Variants in CCDC171 observed in about 807,000 individuals in gnomAD.
CCDC171 encodes the protein coiled-coil domain containing 171.
CCDC171 carries 177 observed loss-of-function variants against 168.2 expected under a neutral mutation model. That is an observed-to-expected ratio of 1.05 (90% confidence interval 0.93 to 1.19). CCDC171 has a LOEUF of 1.19. Among genes scored for constraint, CCDC171 ranks in the 50% most tolerant of loss-of-function variants. The pLI is 0.00. For synonymous variants in CCDC171, 687 were observed against 540.8 expected (o/e 1.27, Z -3.75); for missense variants, 1,991 against 1,539.0 (o/e 1.29, Z -4.91).
rs182730947 is a variant in CCDC171 at position 15,566,427 on chromosome 9, T to C, written c.41+2298T>C. ...TACAAAAATTAGCCAGGCGTGGTGG[T>C]GTGCCTGTGTGGTCCCAGCTACTCC... On this transcript the variant is annotated intron_variant, in intron 2 of 25. Transcript: ENST00000380701. 3.3e-5 allele frequency among the ~76,000 whole-genome samples: 5 copies of C among 152,184 alleles called. No individual in the cohort carries two copies. In the East Asian group the frequency reaches 7.7e-4, roughly 24 times the overall value.
chr9:15,778,637 C>T (rs1200667953), intron 19 of CCDC171, among the ~76,000 whole-genome samples: 1 of 33,144 alleles, frequency 3.0e-5, no homozygotes, highest in Non-Finnish European at 7.4e-5. Context: ...CAGAGTAAGA[C>T]TGTCTCAAAA....
At chr9:15,964,908 C>T (rs1299662845) in intron 25 of CCDC171, among the ~76,000 whole-genome samples, 3 of 152,050 alleles carry the variant, frequency 2.0e-5, no homozygotes, top group Non-Finnish European at 4.4e-5. Flanking sequence ...TTACAGGCAC[C>T]CACCAGCATG....
intron 1 of CCDC171, among the ~76,000 whole-genome samples, chr9:16,053,928 C>T (rs1239321671): frequency 1.3e-5 from 2 of 152,266 alleles, no homozygotes; most frequent in Non-Finnish European, 2.9e-5. Flanking sequence ...CAAGTTCTTG[C>T]CCCGTTAGCA....
intron 10 of CCDC171, among the ~76,000 whole-genome samples, 194 bp downstream of exon 10, chr9:15,679,090 A>G (rs1458075464): frequency 6.6e-6 from 1 of 152,200 alleles, no homozygotes. Flanking sequence ...CTGATTTGGA[A>G]TAATTGGGGG....
intron 16 of CCDC171, among the ~76,000 whole-genome samples, chr9:15,739,740 ATT>A (rs3082820): frequency 1.4e-5 from 2 of 146,138 alleles, no homozygotes; most frequent in Admixed American, 6.8e-5. Flanking sequence ...TGTAATACCA[ATT>A]TTTTTTTTTT....
intron 24 of CCDC171, among the ~76,000 whole-genome samples, chr9:15,892,060 C>G (rs76925257): frequency 0.01 from 1,545 of 152,264 alleles, 29 homozygotes; most frequent in African/African-American, 0.035. Context: ...AGTGTTTTAT[C>G]CACTGCGTTT....
chr9:15,576,636 A>T (rs1394364562), intron 3 of CCDC171, among the ~76,000 whole-genome samples: 1 of 152,194 alleles, frequency 6.6e-6, no homozygotes, highest in Non-Finnish European at 1.5e-5. Context: ...TTATGAAATG[A>T]TTGTAGGCTA....
intron 18 of CCDC171, among the ~76,000 whole-genome samples, chr9:15,771,153 T>C (rs545081707): frequency 2.1e-4 from 32 of 152,290 alleles, no homozygotes; most frequent in African/African-American, 6.5e-4. Flanking sequence ...TTTTAAGCAA[T>C]ATTGTAATCA....
intron 7 of CCDC171, among the ~76,000 whole-genome samples, chr9:15,650,017 A>T (rs2047380590): frequency 6.6e-6 from 1 of 152,216 alleles, no homozygotes; most frequent in African/African-American, 2.4e-5. Flanking sequence ...CAACCATGAT[A>T]GACTGGATTA....
chr9:15,810,268 A>G (rs2059282260), intron 21 of CCDC171, among the ~76,000 whole-genome samples: 1 of 152,192 alleles, frequency 6.6e-6, no homozygotes, highest in Non-Finnish European at 1.5e-5. Context: ...TGGTGCATAT[A>G]CAATCCTCTG....
chr9:15,619,601 T>G (rs894090153), intron 6 of CCDC171, among the ~76,000 whole-genome samples: 1 of 152,182 alleles, frequency 6.6e-6, no homozygotes, highest in Non-Finnish European at 1.5e-5. Context: ...GAAATAAGAC[T>G]TCTACATAAT....
At position 15,677,820 on chromosome 9, in the gene CCDC171, C is replaced by T. The variant is rs750965222; in HGVS notation, c.1077-938C>T. Among the ~76,000 whole-genome samples the T allele has an allele frequency of 4.5e-4, 59 of 132,556 alleles. 1 individual carries two copies. Among genetic ancestry groups the T allele is most frequent in the Non-Finnish European group, 4.6e-4 (29 of 62,542 alleles). 87.0% of individuals were successfully genotyped at this position (132,556 alleles called of 152,430 possible). A position where few individuals can be genotyped will look rare whatever the true frequency, so the allele number is the denominator to read the frequency against. On this transcript the variant is annotated intron_variant, in intron 9 of 25. Coordinates refer to ENST00000380701, the MANE Select transcript of CCDC171 (RefSeq NM_173550.4). Reference sequence around the variant, plus strand: ...TCTCATATATATACACACACACACGCGCACACACACAAATGGCTGTGTGTG... The same window carrying T: ...TCTCATATATATACACACACACACGTGCACACACACAAATGGCTGTGTGTG...
intron 18 of CCDC171, among the ~76,000 whole-genome samples, chr9:15,759,787 T>G (rs1381262098): frequency 6.7e-6 from 1 of 149,264 alleles, no homozygotes; most frequent in African/African-American, 2.6e-5. Flanking sequence ...TTTTTGAGGG[T>G]TTTTCCATTT....
chr9:15,578,678 G>A (rs2040871833), intron 3 of CCDC171, among the ~76,000 whole-genome samples, 171 bp from the exon 4 acceptor site: 1 of 151,614 alleles, frequency 6.6e-6, no homozygotes, highest in Non-Finnish European at 1.5e-5. Context: ...AAAACATAAT[G>A]GGTGTCATTT....
At chr9:15,634,956 T>A (rs2046086658) in intron 7 of CCDC171, among the ~76,000 whole-genome samples, 3 of 152,242 alleles carry the variant, frequency 2.0e-5, no homozygotes, top group African/African-American at 7.2e-5. Flanking sequence ...TTGTCCATGT[T>A]GCAGCATGTA....
intron 4 of CCDC171, among the ~76,000 whole-genome samples, chr9:15,584,069 A>G (rs2041361159): frequency 6.6e-6 from 1 of 152,042 alleles, no homozygotes. Flanking sequence ...GGGTTTCACC[A>G]TCTTGGCCAG....
rs563692499 is a variant in CCDC171, at chr9:15,727,926, A to G, written c.1750A>G (p.Ile584Val). 6.2e-7 allele frequency: 1 copy of G among 1,613,332 alleles called. No homozygotes were observed. The highest frequency in any genetic ancestry group is 1.3e-5 in the African/African-American group (1 of 74,822). ...YQHLVAGCVL[I>V]KQPEGMLDKF... Reference sequence around the variant, plus strand: ...GCACTTGGTAGCAGGCTGTGTGCTCATAAAACAACCAGAAGGCATGCTGGA... The same window carrying G: ...GCACTTGGTAGCAGGCTGTGTGCTCGTAAAACAACCAGAAGGCATGCTGGA... Residue 584 changes from isoleucine (I) to valine (V), a missense_variant, in exon 15 of 26, where the codon ATA (isoleucine) becomes GTA (valine). Ile to Val is a conservative substitution (Grantham distance 29). Coordinates refer to ENST00000380701, the MANE Select transcript of CCDC171 (RefSeq NM_173550.4).
At chr9:15,838,021 G>A (rs765089722) in intron 21 of CCDC171, among the ~76,000 whole-genome samples, 1 of 151,922 alleles carries the variant, frequency 6.6e-6, no homozygotes, top group Non-Finnish European at 1.5e-5. Context: ...CCTCTTTTTG[G>A]TGTTCCTAAA....
chr9:15,640,244 A>G (rs1416154109), intron 7 of CCDC171, among the ~76,000 whole-genome samples: 2 of 152,146 alleles, frequency 1.3e-5, no homozygotes, highest in Admixed American at 6.6e-5. Flanking sequence ...TTCCTGACCA[A>G]TTCACTTCCA....
Sources: allele counts gnomAD v4.1 joint callset (sites outside exome capture counted in the v4.1 genomes callset), GRCh38; gene constraint gnomAD v4.1.1; transcripts MANE v1.5; gene names NCBI Gene and HGNC (gene_info 2026-07-23, HGNC 2026-07-21).